The following LRP1B variants were observed in gnomAD, a reference collection of about 807,000 sequenced individuals.
The protein encoded by LRP1B is low-density lipoprotein receptor-related protein 1B.
A neutral mutation model predicts 556.6 loss-of-function variants in LRP1B; 217 were observed. The observed-to-expected ratio is 0.39, with a 90% CI of 0.35 to 0.44. The LOEUF is 0.44. LRP1B is among the 20% of genes least tolerant of loss of function. The pLI, the probability that LRP1B is intolerant of heterozygous loss-of-function variation, is 1.00. For synonymous variants in LRP1B, 2,047 were observed against 1,865.8 expected, an observed-to-expected ratio of 1.10 and a Z score of -2.50; for missense variants, 5,053 against 5,620.8, an observed-to-expected ratio of 0.90 and a Z score of 3.23.
At chr2:140,532,812 T>A (rs191636197) in intron 47 of LRP1B, among the ~76,000 whole-genome samples, 1 of 151,990 alleles carries the variant, frequency 6.6e-6, no homozygotes, top group African/African-American at 2.4e-5. Context: ...TTCTACCTTA[T>A]TTTTAGTTTA....
chr2:140,764,735 C>T (rs2104923373), intron 35 of LRP1B, among the ~76,000 whole-genome samples: 1 of 152,238 alleles, frequency 6.6e-6, no homozygotes, highest in South Asian at 2.1e-4. Context: ...CTATCAACAT[C>T]TCACACCAGA....
At chr2:141,762,912 A>T (rs760025977) in intron 2 of LRP1B, among the ~76,000 whole-genome samples, 7 of 152,230 alleles carry the variant, frequency 4.6e-5, no homozygotes, top group Non-Finnish European at 8.8e-5. Flanking sequence ...ATGAGGTTTG[A>T]AAATGTGAAC....
intron 1 of LRP1B, among the ~76,000 whole-genome samples, chr2:142,044,645 C>T (rs770113202): frequency 1.3e-5 from 2 of 151,628 alleles, no homozygotes; most frequent in Non-Finnish European, 3.0e-5. Context: ...GTGGATTACA[C>T]AATCGAAAAG....
At chr2:140,894,937 T>C (rs1054693649) in intron 23 of LRP1B, among the ~76,000 whole-genome samples, 6 of 142,826 alleles carry the variant, frequency 4.2e-5, no homozygotes, top group Non-Finnish European at 6.1e-5. Context: ...AATGAGACTC[T>C]GCCTCAAAAA....
chr2:140,577,426 T>A (rs868799207), intron 43 of LRP1B, among the ~76,000 whole-genome samples: 1 of 151,856 alleles, frequency 6.6e-6, no homozygotes, highest in Admixed American at 6.6e-5. Flanking sequence ...ACTGAATTTT[T>A]TTTTTTTTTT....
chr2:141,044,372 T>G (rs1407788490), intron 11 of LRP1B, among the ~76,000 whole-genome samples: 1 of 151,764 alleles, frequency 6.6e-6, no homozygotes, highest in Non-Finnish European at 1.5e-5. Context: ...AAGGACTTCA[T>G]GTCTAAAACA....
chr2:140,477,343 A>G (rs1015566642), intron 59 of LRP1B, among the ~76,000 whole-genome samples: 14 of 152,088 alleles, frequency 9.2e-5, no homozygotes, highest in East Asian at 1.9e-4. Flanking sequence ...TCTATATACC[A>G]TGTTATGTTT....
At chr2:140,847,899 A>C (rs1692324394) in intron 29 of LRP1B, among the ~76,000 whole-genome samples, 1 of 152,186 alleles carries the variant, frequency 6.6e-6, no homozygotes, top group South Asian at 2.1e-4. Context: ...TTGGTTGATA[A>C]TTGTGAATAG....
intron 3 of LRP1B, among the ~76,000 whole-genome samples, chr2:141,329,402 A>AAAC (rs1553496935): frequency 6.9e-6 from 1 of 145,404 alleles, no homozygotes; most frequent in Non-Finnish European, 1.5e-5. Context: ...AAAAAAAAAA[A>AAAC]GGGAGGCCGA....
chr2:141,810,525 G>A (rs1401358954), intron 1 of LRP1B, 124 bp from the exon 2 acceptor site: 3 of 1,008,668 alleles, frequency 3.0e-6, no homozygotes, highest in Non-Finnish European at 4.4e-6. Flanking sequence ...CACATTTTCT[G>A]TTCGGCAGCA....
intron 2 of LRP1B, among the ~76,000 whole-genome samples, chr2:141,730,023 C>T (rs115761022): frequency 0.027 from 4,136 of 152,102 alleles, 192 homozygotes; most frequent in African/African-American, 0.095. Flanking sequence ...TCTGTTGAAG[C>T]CCCCCAACAG....
intron 2 of LRP1B, among the ~76,000 whole-genome samples, chr2:141,682,382 A>T (rs1478821502): frequency 6.6e-6 from 1 of 152,094 alleles, no homozygotes; most frequent in African/African-American, 2.4e-5. Flanking sequence ...GCACTAAGCA[A>T]TTGGTTTTAT....
Position 140,969,851 on chromosome 2 carries a change from C to T in LRP1B, c.2887+12309G>A, listed in dbSNP as rs571946073. On this transcript the variant is annotated intron_variant, in intron 18 of 90. Coordinates refer to ENST00000389484, the MANE Select transcript of LRP1B (RefSeq NM_018557.3). ...TTTAAGAATGTTGAATATTGGCCCCCACTCTCTTCTGGCTTGTAGAGTTTC... is the reference window on the plus strand; with the variant it reads ...TTTAAGAATGTTGAATATTGGCCCCTACTCTCTTCTGGCTTGTAGAGTTTC... Among the ~76,000 whole-genome samples, 109 of 152,276 alleles carry T rather than the reference C, an allele frequency of 7.2e-4. 1 individual carries two copies. Among genetic ancestry groups the T allele is most frequent in the African/African-American group, 2.3e-3 (97 of 41,552 alleles).
chr2:141,379,573 C>T (rs1241653045), intron 3 of LRP1B, among the ~76,000 whole-genome samples: 1 of 152,150 alleles, frequency 6.6e-6, no homozygotes, highest in African/African-American at 2.4e-5. Flanking sequence ...TCATAAACCT[C>T]ACCCTCAGCA....
chr2:140,325,344 G>C (rs1299528807), intron 80 of LRP1B, among the ~76,000 whole-genome samples: 1 of 151,946 alleles, frequency 6.6e-6, no homozygotes, highest in African/African-American at 2.4e-5. Context: ...TGTGAATAAG[G>C]GTATATCCTT....
At position 141,375,212 on chromosome 2, in the gene LRP1B, T is replaced by C. The variant is rs898680241; in HGVS notation, c.343+105184A>G. ...TTTATTAGTTGAGGTAGTGGTGAAG[T>C]TTTTCTGAGGACTTGGATGCCAAAT... is the stretch of plus-strand genomic sequence containing the variant. On this transcript the variant is annotated intron_variant, in intron 3 of 90. Coordinates refer to ENST00000389484, the MANE Select transcript of LRP1B (RefSeq NM_018557.3). 1.1e-4 allele frequency among the ~76,000 whole-genome samples: 16 copies of C among 152,066 alleles called. 1 individual carries two copies. Among genetic ancestry groups the C allele is most frequent in the Non-Finnish European group, 1.0e-4 (7 of 68,008 alleles).
chr2:141,014,699 T>G (rs1697852295), intron 13 of LRP1B, among the ~76,000 whole-genome samples: 1 of 152,074 alleles, frequency 6.6e-6, no homozygotes, highest in South Asian at 2.1e-4. Flanking sequence ...TTTCTCACCT[T>G]TATGTAGGCC....
At chr2:141,102,549 G>C (rs1700489489) in intron 7 of LRP1B, among the ~76,000 whole-genome samples, 1 of 152,004 alleles carries the variant, frequency 6.6e-6, no homozygotes, top group Non-Finnish European at 1.5e-5. Context: ...GATTCTCCCT[G>C]TTGTCCACAA....
At chr2:141,544,399 CCTCCTCCTCCTCCTTCTCCTCCTT>C (rs1685473756) in intron 2 of LRP1B, among the ~76,000 whole-genome samples, 2 of 61,620 alleles carry the variant, frequency 3.2e-5, no homozygotes, top group Non-Finnish European at 6.9e-5. Flanking sequence ...TCCTCCTCCT[CCTCCTCCTCCTCCTTCTCCTCCTT>C]CTCCTCCTTC....
Sources: allele counts gnomAD v4.1 joint callset (sites outside exome capture counted in the v4.1 genomes callset), GRCh38; gene constraint gnomAD v4.1.1; transcripts MANE v1.5; gene names NCBI Gene and HGNC (gene_info 2026-07-23, HGNC 2026-07-21).